KDM2A: variants seen among roughly 807,000 people sequenced by gnomAD.
KDM2A encodes the protein lysine-specific demethylase 2A.
Under a neutral mutation model 137.3 loss-of-function variants are expected in KDM2A, and 3 were observed. The ratio of observed to expected loss-of-function variants is 0.02; its 90% CI spans 0.01 to 0.06. The LOEUF (loss-of-function observed/expected upper bound fraction) is 0.06, where lower values mean the gene tolerates loss of function less well. Ranked by LOEUF, KDM2A falls within the 10% of genes least tolerant of loss-of-function variation. The pLI, the probability that KDM2A is intolerant of heterozygous loss-of-function variation, is 1.00. For synonymous variants in KDM2A, 512 were observed against 541.5 expected (o/e 0.95, Z 0.76); for missense variants, 738 against 1,510.6 (o/e 0.49, Z 8.48).
At chr11:67,124,227 C>T (rs1014701934) in intron 2 of KDM2A, among the ~76,000 whole-genome samples, 1 of 152,174 alleles carries the variant, frequency 6.6e-6, no homozygotes, top group African/African-American at 2.4e-5. Flanking sequence ...TGGTCTTGAA[C>T]TCCTGACCTC....
At chr11:67,149,603 C>T (rs1028362839) in intron 2 of KDM2A, among the ~76,000 whole-genome samples, 1 of 151,852 alleles carries the variant, frequency 6.6e-6, no homozygotes, top group African/African-American at 2.4e-5. Context: ...TTAATATATC[C>T]TTCCATGTCT....
At chr11:67,183,231 C>T (rs766795592) in intron 5 of KDM2A, among the ~76,000 whole-genome samples, 5 of 152,220 alleles carry the variant, frequency 3.3e-5, no homozygotes, top group African/African-American at 7.2e-5. Flanking sequence ...CTCCCCTACT[C>T]GTCACAAGAC....
At chr11:67,136,343 C>T (rs1855968527) in intron 2 of KDM2A, among the ~76,000 whole-genome samples, 1 of 152,236 alleles carries the variant, frequency 6.6e-6, no homozygotes, top group South Asian at 2.1e-4. Flanking sequence ...CCAGAGCATA[C>T]TTAAGTTATA....
At chr11:67,242,641 G>A (rs1034936894) in intron 12 of KDM2A, among the ~76,000 whole-genome samples, 1 of 152,140 alleles carries the variant, frequency 6.6e-6, no homozygotes, top group African/African-American at 2.4e-5. Flanking sequence ...GAACAAAGGT[G>A]AGTTTGAAGT....
intron 2 of KDM2A, among the ~76,000 whole-genome samples, chr11:67,178,479 A>G (rs1488858031): frequency 3.9e-5 from 6 of 152,224 alleles, no homozygotes; most frequent in Non-Finnish European, 8.8e-5. Flanking sequence ...AAATACCACT[A>G]TCTAATTCCA....
chr11:67,185,590 A>G (rs1338684299), intron 5 of KDM2A, among the ~76,000 whole-genome samples: 4 of 151,590 alleles, frequency 2.6e-5, no homozygotes, highest in Admixed American at 2.0e-4. Context: ...AGGTCACACC[A>G]TTGACTCCCT....
chr11:67,198,097 G>C lies in KDM2A; in HGVS notation c.308-9413G>C, dbSNP rs148309751. The stretch of plus-strand genomic sequence containing the variant: ...ATGATGAGTAGGCTAAGGAGGAAGA[G>C]GTGGGATTGCTTTTGCTGTCTCAGG... On this transcript the variant is annotated intron_variant, in intron 5 of 20. Coordinates refer to ENST00000529006, the MANE Select transcript of KDM2A (RefSeq NM_012308.3). Among the ~76,000 whole-genome samples, 406 of 152,260 alleles carry C rather than the reference G, an allele frequency of 2.7e-3. 1 individual carries two copies. Among genetic ancestry groups the C allele is most frequent in the African/African-American group, 9.1e-3 (378 of 41,556 alleles).
chr11:67,137,358 G>A (rs915059706), intron 2 of KDM2A, among the ~76,000 whole-genome samples: 2 of 152,092 alleles, frequency 1.3e-5, no homozygotes, highest in Non-Finnish European at 2.9e-5. Context: ...TCAGGGAGAG[G>A]GCAAGAATAG....
chr11:67,136,102 G>A (rs1243619708), intron 2 of KDM2A, among the ~76,000 whole-genome samples: 1 of 152,186 alleles, frequency 6.6e-6, no homozygotes, highest in Non-Finnish European at 1.5e-5. Flanking sequence ...TTGAAAGTAG[G>A]AGATAAAAAC....
At chr11:67,155,859 G>A (rs1364657405) in intron 2 of KDM2A, among the ~76,000 whole-genome samples, 3 of 142,624 alleles carry the variant, frequency 2.1e-5, no homozygotes, top group African/African-American at 7.7e-5. Flanking sequence ...CAGGTGATCC[G>A]CCTGCCTCGG....
At chr11:67,220,884 A>G (rs960880192) in intron 10 of KDM2A, among the ~76,000 whole-genome samples, 6 of 152,326 alleles carry the variant, frequency 3.9e-5, no homozygotes, top group Admixed American at 3.3e-4. Flanking sequence ...AATTTTTTTC[A>G]ACCATTAAAA....
chr11:67,151,506 G>A (rs1002037692), intron 2 of KDM2A, among the ~76,000 whole-genome samples: 3 of 151,858 alleles, frequency 2.0e-5, no homozygotes, highest in African/African-American at 7.3e-5. Context: ...CTGCCATAAT[G>A]CCTGGCTAAT....
intron 2 of KDM2A, among the ~76,000 whole-genome samples, chr11:67,179,698 C>T (rs1857046226): frequency 6.6e-6 from 1 of 152,208 alleles, no homozygotes; most frequent in African/African-American, 2.4e-5. Context: ...ACAGCTCTCC[C>T]TGTGAAAAAA....
chr11:67,231,087 T>A (rs1156465534), intron 11 of KDM2A, among the ~76,000 whole-genome samples: 1 of 151,970 alleles, frequency 6.6e-6, no homozygotes, highest in Non-Finnish European at 1.5e-5. Context: ...CTCCCTAGTA[T>A]CTGGGACCAC....
chr11:67,182,140 G>T (rs116240085), intron 5 of KDM2A, among the ~76,000 whole-genome samples: 264 of 152,258 alleles, frequency 1.7e-3, no homozygotes, highest in African/African-American at 6.1e-3. Flanking sequence ...TCCTTGAAGA[G>T]TGTGCCTTCT....
intron 12 of KDM2A, among the ~76,000 whole-genome samples, chr11:67,240,988 G>A (rs543740066): frequency 3.9e-5 from 6 of 152,256 alleles, no homozygotes; most frequent in Admixed American, 2.0e-4. Context: ...AATCTTGCAG[G>A]TAGAATTAGA....
chr11:67,137,240 C>T (rs1855987932), intron 2 of KDM2A, among the ~76,000 whole-genome samples: 1 of 152,178 alleles, frequency 6.6e-6, no homozygotes, highest in South Asian at 2.1e-4. Context: ...ACAAGGTAGA[C>T]AGGTCAGATC....
intron 13 of KDM2A, 40 bp downstream of exon 13, chr11:67,243,132 CT>C: frequency 6.8e-7 from 1 of 1,460,474 alleles, no homozygotes; most frequent in Non-Finnish European, 9.6e-7. Flanking sequence ...CTGCTTAAGC[CT>C]TTTGTTAGTT....
chr11:67,217,590 C>A (rs2136398428), intron 8 of KDM2A, 141 bp from the exon 9 acceptor site: 1 of 730,994 alleles, frequency 1.4e-6, no homozygotes. Context: ...GGGTTTACCA[C>A]ATAGTCAAGT....
Sources: allele counts gnomAD v4.1 joint callset (sites outside exome capture counted in the v4.1 genomes callset), GRCh38; gene constraint gnomAD v4.1.1; transcripts MANE v1.5; gene names NCBI Gene and HGNC (gene_info 2026-07-23, HGNC 2026-07-21).